Variants in CSMD1 observed in about 807,000 individuals in gnomAD.
The protein encoded by CSMD1 is CUB and Sushi multiple domains 1, also known as CUB and sushi domain-containing protein 1.
A neutral mutation model predicts 417.5 loss-of-function variants in CSMD1; 213 were observed. The observed-to-expected ratio is 0.51, with a 90% confidence interval of 0.46 to 0.57. The LOEUF (loss-of-function observed/expected upper bound fraction) is 0.57. Ranked by LOEUF, CSMD1 falls within the 20% of genes least tolerant of loss-of-function variation. The pLI, the probability that CSMD1 is intolerant of heterozygous loss-of-function variation, is 0.00. For synonymous variants in CSMD1, 2,862 were observed against 1,736.8 expected (o/e 1.65, Z -16.11); for missense variants, 6,923 against 4,529.7 (o/e 1.53, Z -15.17).
intron 54 of CSMD1, among the ~76,000 whole-genome samples, chr8:2,992,901 C>G (rs746575619): frequency 2.0e-5 from 3 of 151,720 alleles, no homozygotes; most frequent in African/African-American, 4.8e-5. Context: ...ACCATCGCAG[C>G]TGGCTAATTT....
chr8:4,308,751 G>T (rs187022164), intron 3 of CSMD1, among the ~76,000 whole-genome samples: 2 of 152,288 alleles, frequency 1.3e-5, no homozygotes, highest in East Asian at 3.9e-4. Context: ...AAGACTGGCT[G>T]TTTGAGCGTG....
intron 3 of CSMD1, among the ~76,000 whole-genome samples, chr8:4,084,574 C>G (rs553427457): frequency 2.0e-5 from 3 of 152,068 alleles, no homozygotes; most frequent in Non-Finnish European, 4.4e-5. Flanking sequence ...AACTCGATTC[C>G]TTAATCAACC....
chr8:2,945,948 G>C (rs931700573), intron 68 of CSMD1, among the ~76,000 whole-genome samples: 1 of 152,172 alleles, frequency 6.6e-6, no homozygotes, highest in African/African-American at 2.4e-5. Flanking sequence ...TGCACATCCT[G>C]TCACGCAACA....
At chr8:3,449,928 G>A (rs988526316) in intron 12 of CSMD1, among the ~76,000 whole-genome samples, 1 of 152,166 alleles carries the variant, frequency 6.6e-6, no homozygotes, top group Non-Finnish European at 1.5e-5. Context: ...AAAAACTATT[G>A]CTCCAGTCTT....
chr8:4,424,366 G>C (rs1278787801), intron 2 of CSMD1, among the ~76,000 whole-genome samples: 3 of 151,570 alleles, frequency 2.0e-5, no homozygotes, highest in East Asian at 3.9e-4. Context: ...AATCCAATTA[G>C]AAAATAGGCA....
At position 3,416,403 on chromosome 8, in the gene CSMD1, T is replaced by C. The variant is rs73657868; in HGVS notation, c.1562-6798A>G. Among the ~76,000 whole-genome samples the C allele has an allele frequency of 3.2e-3, 461 of 145,134 alleles. 3 individuals are homozygous for C. The highest frequency in any genetic ancestry group is 0.013 in the East Asian group (65 of 4,966). On this transcript the variant is annotated intron_variant, in intron 12 of 69. Coordinates refer to ENST00000635120, the MANE Select transcript of CSMD1 (RefSeq NM_033225.6). ...AGAGGACCAAACACTACAAGAGAAA[T>C]AGAGAAAAAGAACTCTGAAGGTAGA...
intron 18 of CSMD1, among the ~76,000 whole-genome samples, chr8:3,384,607 T>C (rs1292325633): frequency 6.8e-6 from 1 of 146,946 alleles, no homozygotes; most frequent in Admixed American, 7.0e-5. Flanking sequence ...TCCAAATTAA[T>C]TTTTAAATAT....
At chr8:4,303,848 G>A (rs1358711435) in intron 3 of CSMD1, among the ~76,000 whole-genome samples, 2 of 151,940 alleles carry the variant, frequency 1.3e-5, no homozygotes, top group African/African-American at 2.4e-5. Flanking sequence ...GTAGAGACAG[G>A]GTTTCACTAT....
intron 3 of CSMD1, among the ~76,000 whole-genome samples, chr8:4,269,674 A>T (rs576278366): frequency 3.3e-5 from 5 of 152,228 alleles, no homozygotes; most frequent in African/African-American, 9.6e-5. Context: ...CCAAAATAAA[A>T]TTTTTTGTTT....
At chr8:3,529,763 G>C (rs1252621973) in intron 10 of CSMD1, among the ~76,000 whole-genome samples, 1 of 152,148 alleles carries the variant, frequency 6.6e-6, no homozygotes, top group Non-Finnish European at 1.5e-5. Context: ...CATGCAAAAT[G>C]CATCAACATA....
intron 11 of CSMD1, among the ~76,000 whole-genome samples, chr8:3,471,676 C>T (rs1241045794): frequency 6.4e-5 from 9 of 140,170 alleles, no homozygotes; most frequent in African/African-American, 2.1e-4. Flanking sequence ...CTCCCTCCCT[C>T]CCTTCCTTCC....
At chr8:4,557,895 C>T (rs1029799571) in intron 2 of CSMD1, among the ~76,000 whole-genome samples, 1 of 152,082 alleles carries the variant, frequency 6.6e-6, no homozygotes, top group African/African-American at 2.4e-5. Flanking sequence ...GTAAAGATGA[C>T]GTGTTCAGTT....
chr8:4,105,536 C>T (rs779458358), intron 3 of CSMD1, among the ~76,000 whole-genome samples: 2 of 152,114 alleles, frequency 1.3e-5, no homozygotes, highest in African/African-American at 2.4e-5. Context: ...CTGCTGGATG[C>T]AGACAATTAA....
intron 27 of CSMD1, among the ~76,000 whole-genome samples, chr8:3,226,861 C>G (rs571321740): frequency 6.6e-6 from 1 of 151,440 alleles, no homozygotes; most frequent in African/African-American, 2.4e-5. Context: ...TAAATATACT[C>G]TAATAATAAA....
chr8:4,899,543 ATCAC>A (rs768732041), intron 1 of CSMD1, among the ~76,000 whole-genome samples: 3 of 152,200 alleles, frequency 2.0e-5, no homozygotes, highest in Admixed American at 6.5e-5. Context: ...GCGTATCTAT[ATCAC>A]TCTTTCTTGT....
chr8:3,373,955 T>A (rs1328058920), intron 18 of CSMD1, among the ~76,000 whole-genome samples: 1 of 70,430 alleles, frequency 1.4e-5, no homozygotes, highest in Admixed American at 1.2e-4. Context: ...TCCAACTATT[T>A]TTTTTTTTTT....
chr8:4,053,255 G>A (rs1238094023), intron 3 of CSMD1, among the ~76,000 whole-genome samples: 1 of 152,220 alleles, frequency 6.6e-6, no homozygotes, highest in Admixed American at 6.5e-5. Flanking sequence ...AGACTACCAA[G>A]ATTTATTCAA....
rs79229105 is a variant in CSMD1, at chr8:4,378,294, G to T, written c.415+41659C>A. 3.0e-3 allele frequency among the ~76,000 whole-genome samples: 457 copies of T among 152,272 alleles called. 21 individuals are homozygous for T. The East Asian group carries it at 0.076, about 25-fold the overall frequency. ...GTCCCTGTTATATAATCCATGCAAA[G>T]TAACTATTAAATTGTTATAAATTGC... is the stretch of plus-strand genomic sequence containing the variant. On this transcript the variant is annotated intron_variant, in intron 3 of 69. Coordinates refer to ENST00000635120, the MANE Select transcript of CSMD1 (RefSeq NM_033225.6).
chr8:4,767,718 C>T lies in CSMD1; in HGVS notation c.86-130160G>A, dbSNP rs144862485. Among the ~76,000 whole-genome samples the T allele has an allele frequency of 4.1e-3, 621 of 152,274 alleles. 6 individuals are homozygous for T. Among genetic ancestry groups the T allele is most frequent in the Admixed American group, 8.0e-3 (122 of 15,298 alleles). On this transcript the variant is annotated intron_variant, in intron 1 of 69. Coordinates refer to ENST00000635120, the MANE Select transcript of CSMD1 (RefSeq NM_033225.6). ...ACAGGTACCCAGGCTGGATGAAACA[C>T]CACTTCTGTGCTCAGGCTTGATTTT...
Sources: allele counts gnomAD v4.1 joint callset (sites outside exome capture counted in the v4.1 genomes callset), GRCh38; gene constraint gnomAD v4.1.1; transcripts MANE v1.5; gene names NCBI Gene and HGNC (gene_info 2026-07-23, HGNC 2026-07-21).